MAPK4: variants seen among roughly 807,000 people sequenced by gnomAD.
MAPK4 encodes mitogen-activated protein kinase 4.
MAPK4 carries 22 observed loss-of-function variants against 47.7 expected under a neutral mutation model. That is an observed-to-expected ratio of 0.46 (90% CI 0.33 to 0.66). The LOEUF is 0.66. Among genes scored for constraint, MAPK4 ranks in the 30% least tolerant of loss-of-function variants. MAPK4 has a pLI of 0.02. For synonymous variants in MAPK4, 390 were observed against 365.7 expected (o/e 1.07, Z -0.76); for missense variants, 736 against 831.7 (o/e 0.88, Z 1.42).
intron 1 of MAPK4, among the ~76,000 whole-genome samples, chr18:50,655,759 T>G (rs1459860976): frequency 6.6e-6 from 1 of 152,136 alleles, no homozygotes; most frequent in Non-Finnish European, 1.5e-5. Flanking sequence ...CTGTGTGGCC[T>G]CCTCCCTTGA....
chr18:50,689,424 A>AAT (rs1226377989), intron 2 of MAPK4, among the ~76,000 whole-genome samples: 1 of 151,832 alleles, frequency 6.6e-6, no homozygotes, highest in Non-Finnish European at 1.5e-5. Context: ...AAAAAAAAAA[A>AAT]AAAAGCTATT....
At chr18:50,569,444 C>T (rs1340279517) in intron 1 of MAPK4, among the ~76,000 whole-genome samples, 1 of 152,128 alleles carries the variant, frequency 6.6e-6, no homozygotes, top group Non-Finnish European at 1.5e-5. Context: ...TCTGGGGTAT[C>T]AGCAATAGTG....
chr18:50,727,265 C>T (rs903002422), intron 5 of MAPK4, among the ~76,000 whole-genome samples: 2 of 152,180 alleles, frequency 1.3e-5, no homozygotes, highest in African/African-American at 4.8e-5. Context: ...CAGTCGAGGG[C>T]TCAAGCAGCT....
At position 50,725,829 on chromosome 18, in the gene MAPK4, GAA is replaced by G. The variant is rs2144487555; in HGVS notation, c.854-130_854-129del. The G allele has an allele frequency of 2.2e-5, 17 of 771,014 alleles. No individual in the cohort carries two copies. The South Asian group carries it at 2.2e-4, about 10-fold the overall frequency. The allele number at this position is 771,014 out of a possible 1,614,324, so 47.8% of individuals were successfully genotyped here. On this transcript the variant is annotated intron_variant, in intron 4 of 5. Transcript: ENST00000400384. ...GGATTGTGACAAGGGTCTTGAGAAA[GAA>G]AATGGCTAAAAACCTTTTAACAAAT...
intron 2 of MAPK4, among the ~76,000 whole-genome samples, chr18:50,666,597 C>T (rs577812135): frequency 6.6e-6 from 1 of 152,010 alleles, no homozygotes; most frequent in African/African-American, 2.4e-5. Context: ...CTGGAAGCCA[C>T]TTCCCTGGTT....
intron 2 of MAPK4, among the ~76,000 whole-genome samples, chr18:50,701,492 CTTTTAGTT>C (rs1909785333): frequency 6.6e-6 from 1 of 152,076 alleles, no homozygotes; most frequent in African/African-American, 2.4e-5. Context: ...AGTGGAGATG[CTTTTAGTT>C]TTAGTGGGCT....
At chr18:50,686,110 C>G (rs1908868544) in intron 2 of MAPK4, among the ~76,000 whole-genome samples, 1 of 152,056 alleles carries the variant, frequency 6.6e-6, no homozygotes, top group Non-Finnish European at 1.5e-5. Context: ...CAAAAATAAG[C>G]CTCGTTAGGA....
At chr18:50,611,666 ATTTAATGACGTAGCG>A (rs2149377581) in intron 1 of MAPK4, among the ~76,000 whole-genome samples, 1 of 152,336 alleles carries the variant, frequency 6.6e-6, no homozygotes, top group South Asian at 2.1e-4. Context: ...TCAGGGAGTC[ATTTAATGACGTAGCG>A]TTTGATCTTC....
intron 1 of MAPK4, among the ~76,000 whole-genome samples, chr18:50,606,436 C>A (rs1023929282): frequency 3.9e-5 from 6 of 152,100 alleles, no homozygotes; most frequent in Admixed American, 6.5e-5. Context: ...TGTTACATTC[C>A]GTTTACATTC....
At chr18:50,629,473 ACT>A (rs1481443237) in intron 1 of MAPK4, 1 of 152,234 alleles carries the variant, frequency 6.6e-6, no homozygotes, top group Non-Finnish European at 1.5e-5. Context: ...ACAGTGGAGC[ACT>A]CTGTGGGAGA....
At chr18:50,703,961 G>A (rs936462597) in intron 2 of MAPK4, among the ~76,000 whole-genome samples, 2 of 152,194 alleles carry the variant, frequency 1.3e-5, no homozygotes, top group African/African-American at 2.4e-5. Context: ...TTCAGGAGGA[G>A]CAGGGCATCC....
At chr18:50,715,588 G>T (rs1352853810) in intron 3 of MAPK4, among the ~76,000 whole-genome samples, 1 of 152,148 alleles carries the variant, frequency 6.6e-6, no homozygotes, top group Non-Finnish European at 1.5e-5. Context: ...TCATGAATGG[G>T]ATTAGTGCCC....
chr18:50,595,940 T>C (rs1042370190), intron 1 of MAPK4, among the ~76,000 whole-genome samples: 1 of 152,230 alleles, frequency 6.6e-6, no homozygotes, highest in African/African-American at 2.4e-5. Flanking sequence ...AGGGCTCCTT[T>C]ATGAAATACC....
intron 1 of MAPK4, among the ~76,000 whole-genome samples, chr18:50,651,558 C>T (rs566561978): frequency 1.3e-5 from 2 of 152,360 alleles, no homozygotes; most frequent in African/African-American, 2.4e-5. Flanking sequence ...CATGTCCCTA[C>T]CATGTGATCT....
chr18:50,570,243 T>C (rs2042237922), intron 1 of MAPK4, among the ~76,000 whole-genome samples: 2 of 152,236 alleles, frequency 1.3e-5, no homozygotes, highest in Non-Finnish European at 2.9e-5. Flanking sequence ...TTGGGATGGA[T>C]ATATTTCAAC....
chr18:50,661,572 CA>C (rs1411964656), intron 1 of MAPK4, among the ~76,000 whole-genome samples: 1 of 152,124 alleles, frequency 6.6e-6, no homozygotes, highest in African/African-American at 2.4e-5. Context: ...TGTTGGCATT[CA>C]GGGGTGGAGG....
At position 50,587,121 on chromosome 18, in the gene MAPK4, G is replaced by A. The variant is rs571243424; in HGVS notation, c.-871+26878G>A. On this transcript the variant is annotated intron_variant, in intron 1 of 5. Transcript: ENST00000400384. ...CTATCATATAAATGAGAATCAGGCA[G>A]AAGAGATTGCTGTGGTCTGAATGTG... 2.0e-5 allele frequency among the ~76,000 whole-genome samples: 3 copies of A among 152,348 alleles called. No individual in the cohort carries two copies. The East Asian group carries it at 5.8e-4, about 29-fold the overall frequency.
At chr18:50,611,700 C>T (rs1479056318) in intron 1 of MAPK4, among the ~76,000 whole-genome samples, 1 of 152,146 alleles carries the variant, frequency 6.6e-6, no homozygotes, top group Non-Finnish European at 1.5e-5. Flanking sequence ...TCAGGGTTTG[C>T]AGAGAAAGAT....
chr18:50,715,494 C>G (rs1284038784), intron 3 of MAPK4, among the ~76,000 whole-genome samples: 1 of 152,148 alleles, frequency 6.6e-6, no homozygotes, highest in Non-Finnish European at 1.5e-5. Context: ...CCCTAACATT[C>G]AAAGGTTGAA....
Sources: allele counts gnomAD v4.1 joint callset (sites outside exome capture counted in the v4.1 genomes callset), GRCh38; gene constraint gnomAD v4.1.1; transcripts MANE v1.5; gene names NCBI Gene and HGNC (gene_info 2026-07-23, HGNC 2026-07-21).